Variants in MALL observed in about 807,000 individuals in gnomAD.
The protein encoded by MALL is MAL-like protein.
A neutral mutation model predicts 10.3 loss-of-function variants in MALL; 2 were observed. The observed-to-expected ratio is 0.19, with a 90% CI of 0.08 to 0.61. The LOEUF is 0.61. Ranked by LOEUF, MALL falls within the 20% of genes least tolerant of loss-of-function variation. The pLI is 0.88. For missense variants in MALL, 39 were observed against 115.2 expected (o/e 0.34, Z 3.03); for synonymous variants, 27 against 51.8 (o/e 0.52, Z 2.05).
intron 1 of MALL, among the ~76,000 whole-genome samples, chr2:110,105,973 C>G (rs1678678766): frequency 6.6e-6 from 1 of 152,178 alleles, no homozygotes; most frequent in African/African-American, 2.4e-5. Flanking sequence ...ACTTGCCGAA[C>G]TGGAAGAGCT....
rs1678663198 is a variant in MALL at position 110,105,259 on chromosome 2, G to T, written c.105+10429C>A. Among the ~76,000 whole-genome samples, 2 of 152,238 alleles carry T rather than the reference G, an allele frequency of 1.3e-5. 1 individual carries two copies. The highest frequency in any genetic ancestry group is 2.9e-5 in the Non-Finnish European group (2 of 68,036). ...CAGAGTAGGGGCTGGGCCTGGCCAA[G>T]GGGCCAAGGTGGCCACAGGCAGTGT... On this transcript the variant is annotated intron_variant, in intron 1 of 3. Coordinates refer to ENST00000272462, the MANE Select transcript of MALL (RefSeq NM_005434.5).
intron 1 of MALL, among the ~76,000 whole-genome samples, chr2:110,109,720 G>T (rs934104473): frequency 2.6e-5 from 4 of 151,958 alleles, no homozygotes; most frequent in Admixed American, 2.0e-4. Flanking sequence ...AATGAAACAG[G>T]AGATATTACA....
At chr2:110,103,732 G>A (rs1457274602) in intron 1 of MALL, among the ~76,000 whole-genome samples, 2 of 152,170 alleles carry the variant, frequency 1.3e-5, no homozygotes, top group Admixed American at 6.5e-5. Context: ...CGGGTGGGCT[G>A]GCCTTCTGAC....
intron 1 of MALL, among the ~76,000 whole-genome samples, chr2:110,101,800 A>G (rs1388096632): frequency 6.6e-6 from 1 of 152,118 alleles, no homozygotes; most frequent in Non-Finnish European, 1.5e-5. Context: ...ATTCTTTTCC[A>G]TCCAAAGTCT....
chr2:110,102,750 G>T (rs1261372171), intron 1 of MALL, among the ~76,000 whole-genome samples: 1 of 152,080 alleles, frequency 6.6e-6, no homozygotes, highest in Non-Finnish European at 1.5e-5. Context: ...CTCACAGTAG[G>T]GTAGGGAGCA....
intron 1 of MALL, among the ~76,000 whole-genome samples, chr2:110,104,162 C>G (rs1472831669): frequency 6.6e-6 from 1 of 152,158 alleles, no homozygotes; most frequent in African/African-American, 2.4e-5. Context: ...ACAGCTTCAT[C>G]TATAGGTTTG....
intron 1 of MALL, among the ~76,000 whole-genome samples, chr2:110,103,183 C>T (rs940021836): frequency 6.6e-5 from 10 of 152,046 alleles, no homozygotes; most frequent in Non-Finnish European, 1.2e-4. Context: ...GGCCAGGGGA[C>T]AGGAAGTGGT....
At chr2:110,101,084 G>A (rs999612961) in intron 1 of MALL, among the ~76,000 whole-genome samples, 1 of 152,034 alleles carries the variant, frequency 6.6e-6, no homozygotes, top group Non-Finnish European at 1.5e-5. Flanking sequence ...GGTCCACCTG[G>A]GTGCTGCTTA....
chr2:110,117,651 GAGAGAA>G (rs1375413210), upstream of MALL, among the ~76,000 whole-genome samples: 18 of 145,962 alleles, frequency 1.2e-4, no homozygotes, highest in Non-Finnish European at 2.6e-4. Flanking sequence ...GAGAGAGAGA[GAGAGAA>G]ACACAAATGT....
At chr2:110,109,797 T>C (rs1040422679) in intron 1 of MALL, among the ~76,000 whole-genome samples, 9 of 152,248 alleles carry the variant, frequency 5.9e-5, no homozygotes, top group African/African-American at 1.9e-4. Flanking sequence ...TGGAACTTTC[T>C]CTAAGATAGA....
chr2:110,116,313 C>T (rs1678922201), upstream of MALL: 1 of 152,656 alleles, frequency 6.6e-6, no homozygotes, highest in South Asian at 2.1e-4. Flanking sequence ...ACTAACAATG[C>T]TGGGTCTTGC....
chr2:110,104,283 T>C (rs990516087), intron 1 of MALL, among the ~76,000 whole-genome samples: 2 of 152,260 alleles, frequency 1.3e-5, no homozygotes, highest in African/African-American at 4.8e-5. Flanking sequence ...TCATCGAGCC[T>C]TCCAACGACT....
At chr2:110,116,958 T>C (rs1678933183), upstream of MALL, among the ~76,000 whole-genome samples, 1 of 152,174 alleles carries the variant, frequency 6.6e-6, no homozygotes, top group South Asian at 2.1e-4. Context: ...GGTCCTGCCC[T>C]CAGGGCCACA....
intron 1 of MALL, among the ~76,000 whole-genome samples, chr2:110,111,209 TC>T (rs1559033479): frequency 6.6e-6 from 1 of 152,034 alleles, no homozygotes; most frequent in Non-Finnish European, 1.5e-5. Context: ...GTACTGGAAG[TC>T]CTAGCCAGAG....
chr2:110,115,544 C>T (rs73954607), intron 1 of MALL, 144 bp downstream of exon 1: 4,486 of 428,476 alleles, frequency 0.01, 73 homozygotes, highest in African/African-American at 0.089. Context: ...CTCCCCCCCC[C>T]TCTCTGCAGG....
intron 1 of MALL, among the ~76,000 whole-genome samples, chr2:110,106,415 C>T (rs1434469493): frequency 6.6e-6 from 1 of 152,190 alleles, no homozygotes; most frequent in South Asian, 2.1e-4. Context: ...CCCCAAGGCA[C>T]ACACACTTGC....
At chr2:110,097,189 G>T (rs10167155) in intron 1 of MALL, among the ~76,000 whole-genome samples, 129,500 of 151,880 alleles carry the variant, frequency 0.85, 57,237 homozygotes, top group South Asian at 0.98. Flanking sequence ...CAGTGTGCTA[G>T]GATTTGTGCA....
intron 1 of MALL, among the ~76,000 whole-genome samples, chr2:110,112,753 A>T (rs952498089): frequency 2.6e-5 from 4 of 151,974 alleles, no homozygotes; most frequent in African/African-American, 4.8e-5. Flanking sequence ...AGAGGAAAAG[A>T]AGTCATTATT....
At chr2:110,104,296 G>A (rs1678640312) in intron 1 of MALL, among the ~76,000 whole-genome samples, 1 of 152,126 alleles carries the variant, frequency 6.6e-6, no homozygotes, top group Non-Finnish European at 1.5e-5. Flanking sequence ...CAACGACTGT[G>A]TCAACAAGTC....
Sources: allele counts gnomAD v4.1 joint callset (sites outside exome capture counted in the v4.1 genomes callset), GRCh38; gene constraint gnomAD v4.1.1; transcripts MANE v1.5; gene names NCBI Gene and HGNC (gene_info 2026-07-23, HGNC 2026-07-21).